The following USP31 variants were observed in gnomAD, a reference collection of about 807,000 sequenced individuals.
The protein encoded by USP31 is ubiquitin carboxyl-terminal hydrolase 31.
USP31 carries 44 observed loss-of-function variants against 119.4 expected under a neutral mutation model. The ratio of observed to expected loss-of-function variants is 0.37; its 90% CI spans 0.29 to 0.47. USP31 has a LOEUF of 0.47. Ranked by LOEUF, USP31 falls within the 20% of genes least tolerant of loss-of-function variation. USP31 has a pLI of 0.99. For missense variants in USP31, 1,643 were observed against 1,730.2 expected, an observed-to-expected ratio of 0.95 and a Z score of 0.89; for synonymous variants, 749 against 705.6, an observed-to-expected ratio of 1.06 and a Z score of -0.97.
At position 23,107,672 on chromosome 16, in the gene USP31, G is replaced by A. The variant is rs761068710; in HGVS notation, c.771+374C>T. Among the ~76,000 whole-genome samples, 4 of 152,098 alleles carry A rather than the reference G, an allele frequency of 2.6e-5. No individual in the cohort carries two copies. The South Asian group carries it at 6.2e-4, about 24-fold the overall frequency. On this transcript the variant is annotated intron_variant, in intron 2 of 15. Transcript: ENST00000219689. ...TCCCAACAGCAGAGAAAATCCATAC[G>A]TTTCCTTTATGATTGTGTATTCATT...
Position 23,126,700 on chromosome 16 carries a change from T to C in USP31, c.634-18517A>G, listed in dbSNP as rs564645096. 4.6e-5 allele frequency among the ~76,000 whole-genome samples: 7 copies of C among 151,842 alleles called. No homozygotes were observed. The South Asian group carries it at 1.0e-3, about 23-fold the overall frequency. On this transcript the variant is annotated intron_variant, in intron 1 of 15. Transcript: ENST00000219689. The stretch of plus-strand genomic sequence containing the variant: ...ACACAGAAATACCTCTGTCTCCAAC[T>C]ATAAAACAGAAATTGTAACACATGC...
At chr16:23,071,178 C>T (rs571820734) in intron 15 of USP31, among the ~76,000 whole-genome samples, 48 of 152,276 alleles carry the variant, frequency 3.2e-4, no homozygotes, top group African/African-American at 1.1e-3. Context: ...AGAGCTAGAG[C>T]TATGGTGCAG....
At chr16:23,112,009 C>G (rs952745909) in intron 1 of USP31, among the ~76,000 whole-genome samples, 1 of 152,108 alleles carries the variant, frequency 6.6e-6, no homozygotes, top group Non-Finnish European at 1.5e-5. Flanking sequence ...TCTTGAGATT[C>G]AGATTCGGGA....
chr16:23,125,400 G>A (rs1017857204), intron 1 of USP31, among the ~76,000 whole-genome samples: 2 of 152,142 alleles, frequency 1.3e-5, no homozygotes, highest in South Asian at 4.1e-4. Flanking sequence ...CAGAATCCGG[G>A]AAGGGGTGGG....
intron 1 of USP31, among the ~76,000 whole-genome samples, chr16:23,129,337 T>C (rs1567245600): frequency 1.3e-5 from 2 of 152,216 alleles, no homozygotes; most frequent in Non-Finnish European, 2.9e-5. Context: ...TGCACAGTTG[T>C]ACACATATAT....
intron 13 of USP31, chr16:23,079,312 T>G (rs2141837934): frequency 6.6e-6 from 1 of 152,312 alleles, no homozygotes; most frequent in Admixed American, 6.5e-5. Context: ...ACCTCTAGAC[T>G]CTAAATTTCA....
At chr16:23,087,862 C>A (rs1901177879) in intron 7 of USP31, 27 bp from the exon 8 acceptor site, 1 of 1,576,484 alleles carries the variant, frequency 6.3e-7, no homozygotes, top group Non-Finnish European at 8.7e-7. Flanking sequence ...ATGTAATCAC[C>A]TTTAAAGTAC....
intron 1 of USP31, among the ~76,000 whole-genome samples, chr16:23,123,355 T>C (rs1317218452): frequency 6.6e-6 from 1 of 151,970 alleles, no homozygotes. Flanking sequence ...CTGGCCAACA[T>C]GGTGAAACCC....
intron 1 of USP31, among the ~76,000 whole-genome samples, chr16:23,146,356 C>T (rs1402992552): frequency 6.6e-6 from 1 of 151,752 alleles, no homozygotes; most frequent in South Asian, 2.1e-4. Context: ...TTGGGGAGGC[C>T]GAGGCAGGTG....
chr16:23,070,271 A>C (rs2141827203), intron 15 of USP31, among the ~76,000 whole-genome samples: 1 of 152,334 alleles, frequency 6.6e-6, no homozygotes, highest in Middle Eastern at 3.4e-3. Flanking sequence ...AGCTAATACC[A>C]GAACCCAGAA....
At position 23,149,451 on chromosome 16, in the gene USP31, G is replaced by C. The variant is rs1235278416; in HGVS notation, c.-181C>G. Among the ~76,000 whole-genome samples, 1 of 148,828 alleles carries C rather than the reference G, an allele frequency of 6.7e-6. No individual in the cohort carries two copies. Among genetic ancestry groups the C allele is most frequent in the Non-Finnish European group, 1.5e-5 (1 of 66,588 alleles). The stretch of plus-strand genomic sequence containing the variant: ...GCCGGCGGGGCCAGCGGGCGCGCGC[G>C]CGGTCCGCCCAGCTGAGCCGCTCAC... On this transcript the variant is annotated 5_prime_UTR_variant, in exon 1 of 16. Coordinates refer to ENST00000219689, the MANE Select transcript of USP31 (RefSeq NM_020718.4).
intron 6 of USP31, among the ~76,000 whole-genome samples, chr16:23,092,220 A>T (rs142407711): frequency 6.3e-4 from 96 of 152,374 alleles, no homozygotes; most frequent in Middle Eastern, 3.4e-3. Context: ...ACGCAGACTC[A>T]ATAAGGCAGT....
chr16:23,113,982 G>C (rs533142411), intron 1 of USP31, among the ~76,000 whole-genome samples: 1 of 152,108 alleles, frequency 6.6e-6, no homozygotes, highest in Non-Finnish European at 1.5e-5. Flanking sequence ...GTAGGCGCCT[G>C]TAATCCCAGC....
intron 15 of USP31, among the ~76,000 whole-genome samples, chr16:23,070,006 C>T (rs923811959): frequency 2.0e-5 from 3 of 152,196 alleles, no homozygotes; most frequent in Non-Finnish European, 4.4e-5. Flanking sequence ...TGTCTGACTG[C>T]GTTCCAAAAA....
Position 23,090,653 on chromosome 16 carries a change from G to A in USP31, c.1386C>T (p.Asn462=), listed in dbSNP as rs1223244917. 1.2e-6 allele frequency: 2 copies of A among 1,613,580 alleles called. No individual in the cohort carries two copies. Among genetic ancestry groups the A allele is most frequent in the South Asian group, 2.2e-5 (2 of 91,046 alleles). The change falls in exon 7 of 16, where the codon AAC becomes AAT. Residue 462 remains asparagine, a synonymous_variant. Transcript: ENST00000219689. ...TCCCTTGTTGCCCAGTGCAGGCTCG[G>A]TTACACACCAACAGGACAATCTTGT... ...GSDKIVLLVC[N]RACTGQQGKR... is the part of the protein sequence containing the mutation.
At chr16:23,086,246 C>A (rs1342451047) in intron 9 of USP31, among the ~76,000 whole-genome samples, 1 of 152,064 alleles carries the variant, frequency 6.6e-6, no homozygotes, top group Non-Finnish European at 1.5e-5. Context: ...CATCTCTAAA[C>A]CCAAACAGTA....
rs67781244 is a variant in USP31, at chr16:23,125,654, GTTT to G, written c.634-17474_634-17472del. 9.2e-3 allele frequency among the ~76,000 whole-genome samples: 1,395 copies of G among 152,198 alleles called. 16 individuals carry two copies. Among genetic ancestry groups the G allele is most frequent in the African/African-American group, 0.029 (1,209 of 41,518 alleles). Reference sequence around the variant, plus strand: ...TTTGTCCTTTTCCTTAGCTACCCTAGTTTATTATAACTTTCATGACACAAAGAC... The same window carrying G: ...TTTGTCCTTTTCCTTAGCTACCCTAGATTATAACTTTCATGACACAAAGAC... On this transcript the variant is annotated intron_variant, in intron 1 of 15. Transcript: ENST00000219689.
Position 23,075,385 on chromosome 16 carries a change from T to C in USP31, c.2177-1505A>G, listed in dbSNP as rs1428834037. ...CCTTTCAGCCTGCTCCTCTTCAGAA[T>C]GGCCTCTTCTCAGTCACAGTGTGGA... On this transcript the variant is annotated intron_variant, in intron 13 of 15. Coordinates refer to ENST00000219689, the MANE Select transcript of USP31 (RefSeq NM_020718.4). Among the ~76,000 whole-genome samples, 5 of 152,284 alleles carry C rather than the reference T, an allele frequency of 3.3e-5. No individual in the cohort carries two copies. In the South Asian group the frequency reaches 1.0e-3, roughly 32 times the overall value.
chr16:23,075,628 C>CA (rs1900535367), intron 13 of USP31, among the ~76,000 whole-genome samples: 4 of 152,142 alleles, frequency 2.6e-5, no homozygotes, highest in Admixed American at 2.6e-4. Context: ...TGTATTCTTA[C>CA]AAATGCACTA....
Sources: allele counts gnomAD v4.1 joint callset (sites outside exome capture counted in the v4.1 genomes callset), GRCh38; gene constraint gnomAD v4.1.1; transcripts MANE v1.5; gene names NCBI Gene and HGNC (gene_info 2026-07-23, HGNC 2026-07-21).